The following CDH12 variants were observed in gnomAD, a reference collection of about 807,000 sequenced individuals.
CDH12 encodes the protein cadherin 12, also known as cadherin-12.
Under a neutral mutation model 74.1 loss-of-function variants are expected in CDH12, and 41 were observed. The observed-to-expected ratio is 0.55, with a 90% CI of 0.43 to 0.72. The LOEUF (loss-of-function observed/expected upper bound fraction) is 0.72, where lower values mean the gene tolerates loss of function less well. CDH12 is among the 30% of genes least tolerant of loss of function. CDH12 has a pLI of 0.00. For synonymous variants in CDH12, 399 were observed against 355.0 expected (o/e 1.12, Z -1.39); for missense variants, 945 against 977.2 (o/e 0.97, Z 0.44).
chr5:21,883,347 A>G (rs551804430), intron 6 of CDH12: 1 of 1,531,492 alleles, frequency 6.5e-7, no homozygotes, highest in Non-Finnish European at 9.1e-7. Flanking sequence ...GAAAATTTCT[A>G]GTGTCCAGTC....
intron 1 of CDH12, among the ~76,000 whole-genome samples, chr5:22,621,840 C>G (rs902100745): frequency 6.6e-6 from 1 of 151,778 alleles, no homozygotes; most frequent in Non-Finnish European, 1.5e-5. Flanking sequence ...TAAAAAAAAT[C>G]GATAATTCAG....
intron 4 of CDH12, among the ~76,000 whole-genome samples, chr5:22,123,271 G>A (rs375790923): frequency 3.3e-5 from 5 of 152,250 alleles, no homozygotes; most frequent in Admixed American, 1.3e-4. Context: ...AAGAAGGGGC[G>A]TCTCACCTGA....
chr5:22,805,707 G>A (rs1482958869), intron 1 of CDH12, among the ~76,000 whole-genome samples: 1 of 151,892 alleles, frequency 6.6e-6, no homozygotes, highest in Non-Finnish European at 1.5e-5. Flanking sequence ...TGTGCAGAAC[G>A]TGCAGGTTTG....
chr5:22,345,946 A>C (rs1405051086), intron 3 of CDH12, among the ~76,000 whole-genome samples: 1 of 152,088 alleles, frequency 6.6e-6, no homozygotes, highest in Non-Finnish European at 1.5e-5. Context: ...TTTACTAAAA[A>C]TACAAAAAAA....
chr5:21,966,159 T>G, intron 6 of CDH12, among the ~76,000 whole-genome samples: 1 of 73,888 alleles, frequency 1.4e-5, no homozygotes, highest in East Asian at 2.5e-4. Flanking sequence ...TATTTTTACG[T>G]TTTTTTTTTT....
intron 1 of CDH12, among the ~76,000 whole-genome samples, chr5:22,818,893 A>G (rs549987121): frequency 2.0e-5 from 3 of 152,234 alleles, no homozygotes; most frequent in African/African-American, 7.2e-5. Flanking sequence ...CTGGATGTAA[A>G]TAATATGTGT....
intron 1 of CDH12, among the ~76,000 whole-genome samples, chr5:22,572,100 T>A (rs1739569368): frequency 2.0e-5 from 3 of 152,142 alleles, no homozygotes. Context: ...AAATAAGGTT[T>A]GTTTGTACTT....
intron 3 of CDH12, among the ~76,000 whole-genome samples, chr5:22,219,548 A>G (rs748872499): frequency 7.2e-5 from 11 of 151,754 alleles, no homozygotes; most frequent in Non-Finnish European, 1.5e-4. Context: ...TTCCCTTATT[A>G]AAATAATTTA....
At chr5:22,240,768 A>G (rs968640615) in intron 3 of CDH12, among the ~76,000 whole-genome samples, 1 of 152,172 alleles carries the variant, frequency 6.6e-6, no homozygotes, top group Admixed American at 6.5e-5. Flanking sequence ...TCCTAACCTC[A>G]GGTGATCCGC....
intron 1 of CDH12, among the ~76,000 whole-genome samples, chr5:22,629,712 A>G (rs10473603): frequency 0.56 from 84,513 of 151,850 alleles, 23,847 homozygotes; most frequent in East Asian, 0.68. Flanking sequence ...AGACAAGGAT[A>G]CCCACCCTTA....
intron 6 of CDH12, among the ~76,000 whole-genome samples, chr5:21,912,294 G>C (rs1753891028): frequency 6.6e-6 from 1 of 151,400 alleles, no homozygotes; most frequent in Non-Finnish European, 1.5e-5. Flanking sequence ...AAATGGACTG[G>C]AAAATTGTTA....
At chr5:22,217,288 T>A (rs1338296683) in intron 3 of CDH12, among the ~76,000 whole-genome samples, 1 of 151,832 alleles carries the variant, frequency 6.6e-6, no homozygotes, top group Non-Finnish European at 1.5e-5. Flanking sequence ...CTAGAATGGA[T>A]GTTAGCCATC....
intron 1 of CDH12, among the ~76,000 whole-genome samples, chr5:22,551,517 C>T (rs780647270): frequency 2.6e-5 from 4 of 152,094 alleles, no homozygotes; most frequent in African/African-American, 9.7e-5. Context: ...AACTTAAAGG[C>T]AGAGCTTTCA....
intron 1 of CDH12, among the ~76,000 whole-genome samples, chr5:22,563,831 G>C (rs950640328): frequency 9.9e-5 from 15 of 152,116 alleles, no homozygotes; most frequent in Non-Finnish European, 1.6e-4. Context: ...CAGGCAAAGA[G>C]AGGGCTTGTG....
intron 6 of CDH12, among the ~76,000 whole-genome samples, chr5:21,925,488 C>T (rs1009409542): frequency 1.3e-5 from 2 of 152,138 alleles, no homozygotes; most frequent in African/African-American, 4.8e-5. Context: ...TAGAATGTTT[C>T]TTTGATAATG....
chr5:22,760,691 AAAAAAAAAAC>A (rs1746169656), intron 1 of CDH12, among the ~76,000 whole-genome samples: 7 of 151,110 alleles, frequency 4.6e-5, no homozygotes, highest in African/African-American at 1.7e-4. Context: ...AAAAAAAAAA[AAAAAAAAAAC>A]AAAAAAAAAA....
chr5:21,880,497 TCCTTCCTCCCTC>T lies in CDH12; in HGVS notation c.527-25719_527-25708del, dbSNP rs771743046. On this transcript the variant is annotated intron_variant, in intron 6 of 14. Coordinates refer to ENST00000382254, the MANE Select transcript of CDH12 (RefSeq NM_004061.5). ...TTCCTTCCTTCCTTCCTTCCTTCCT[TCCTTCCTCCCTC>T]CCTCCCTCTTTTCTTTCTTCCTTCT... is the stretch of plus-strand genomic sequence containing the variant. 2.2e-4 allele frequency among the ~76,000 whole-genome samples: 22 copies of T among 101,272 alleles called. 1 individual carries two copies. The East Asian group carries it at 4.8e-3, about 22-fold the overall frequency. 66.4% of individuals were successfully genotyped at this position (101,272 alleles called of 152,430 possible).
intron 1 of CDH12, among the ~76,000 whole-genome samples, chr5:22,844,274 C>G (rs1187546746): frequency 6.6e-6 from 1 of 152,034 alleles, no homozygotes; most frequent in African/African-American, 2.4e-5. Flanking sequence ...GGAACAAGGG[C>G]AGGGCTTTGA....
intron 5 of CDH12, among the ~76,000 whole-genome samples, chr5:22,054,028 GT>G (rs201729732): frequency 6.6e-6 from 1 of 150,792 alleles, no homozygotes; most frequent in Non-Finnish European, 1.5e-5. Flanking sequence ...AACACGACTT[GT>G]TTTTTTTTAA....
Sources: gnomAD v4.1 joint callset for allele counts (sites outside exome capture counted in the v4.1 genomes callset) on GRCh38, gnomAD v4.1.1 for gene constraint, MANE v1.5 for transcripts, NCBI Gene and HGNC (gene_info 2026-07-23, HGNC 2026-07-21) for gene names.